TARBP1: variants seen among roughly 807,000 people sequenced by gnomAD.
TARBP1 encodes tRNA guanosine 2 -O-methyltransferase TARBP1, also known as tRNA (guanosine(18)-2'-O)-methyltransferase TARBP1.
A neutral mutation model predicts 178.6 loss-of-function variants in TARBP1; 144 were observed. That is an observed-to-expected ratio of 0.81 (90% confidence interval 0.70 to 0.93). The LOEUF is 0.93. Among genes scored for constraint, TARBP1 ranks in the 40% least tolerant of loss-of-function variants. The pLI is 0.00. For synonymous variants in TARBP1, 787 were observed against 781.0 expected (o/e 1.01, Z -0.13); for missense variants, 2,067 against 2,011.7 (o/e 1.03, Z -0.53).
rs3850717 is a variant in TARBP1, at chr1:234,391,598, C to T, written c.4845G>A (p.Ser1615=). ...CACATCATGGCTTGGTATCTCCGTG[C>T]GAGAGCAGCTGCTGCCTGGTGTACT... ...IWEYTRQQLL[S]HGDTKP Residue 1615 remains serine, a synonymous_variant, in exon 30 of 30, where the codon TCG becomes TCA. Transcript: ENST00000040877. The T allele has an allele frequency of 1.3e-4, 211 of 1,612,446 alleles. No homozygotes were observed. The African/African-American group carries it at 2.6e-3, about 20-fold the overall frequency.
At chr1:234,396,124 AAAGTCTATTAC>A (rs1348073245) in intron 26 of TARBP1, among the ~76,000 whole-genome samples, 1 of 152,248 alleles carries the variant, frequency 6.6e-6, no homozygotes, top group Non-Finnish European at 1.5e-5. Flanking sequence ...CTCAGCATGG[AAAGTCTATTAC>A]AACATGCCCC....
In TARBP1 at chr1:234,393,358, C is replaced by T. The variant is rs1346891481; in HGVS notation, c.4560+4G>A. ...ACTTTAATAATAAATTACTTTCCAC[C>T]CACCTCCACTAGAGGAAGCCACTGT... On this transcript the variant is annotated splice_donor_region_variant and intron_variant, in intron 28 of 29. Coordinates refer to ENST00000040877, the MANE Select transcript of TARBP1 (RefSeq NM_005646.4). The T allele has an allele frequency of 3.3e-6, 5 of 1,513,036 alleles. No homozygotes were observed. The highest frequency in any genetic ancestry group is 2.3e-5 in the East Asian group (1 of 43,980). The allele number at this position is 1,513,036 out of a possible 1,614,324, so 93.7% of individuals were successfully genotyped here.
intron 3 of TARBP1, among the ~76,000 whole-genome samples, chr1:234,469,922 A>G (rs1327709885): frequency 6.6e-6 from 1 of 152,242 alleles, no homozygotes; most frequent in Non-Finnish European, 1.5e-5. Flanking sequence ...TGGAAAAGAT[A>G]TACTAAGAGA....
chr1:234,449,218 T>C (rs753111554), intron 10 of TARBP1, among the ~76,000 whole-genome samples: 1 of 152,174 alleles, frequency 6.6e-6, no homozygotes, highest in African/African-American at 2.4e-5. Flanking sequence ...TTGCAGGCCA[T>C]GCAGAGGACC....
Position 234,418,107 on chromosome 1 carries a change from T to C in TARBP1, c.3682A>G (p.Lys1228Glu), listed in dbSNP as rs1324497770. Residue 1228 changes from lysine to glutamate, a missense_variant, in exon 22 of 30, where the codon AAG (lysine) becomes GAG (glutamate). By Grantham distance (56) the Lys-to-Glu change is moderately conservative. Transcript: ENST00000040877. ...ACATAAGAAAAACAATCCCAGAACT[T>C]TGGAAGAAATTGAGGGAATTTATGA... ...ILHKFPQFLPKFWDCFSYGEE... is the reference protein window; with the variant it reads ...ILHKFPQFLPEFWDCFSYGEE... 12 of 1,424,418 alleles carry C rather than the reference T, an allele frequency of 8.4e-6. No individual in the cohort carries two copies. Among genetic ancestry groups the C allele is most frequent in the African/African-American group, 1.5e-5 (1 of 66,452 alleles). The allele number at this position is 1,424,418 out of a possible 1,614,324, so 88.2% of individuals were successfully genotyped here. A position where few individuals can be genotyped will look rare whatever the true frequency, so the allele number is the denominator to read the frequency against.
At position 234,478,945 on chromosome 1, in the gene TARBP1, GC is replaced by G; in HGVS notation, c.158del (p.Gly53AlafsTer45). The G allele has an allele frequency of 6.9e-7, 1 of 1,450,758 alleles. No individual in the cohort carries two copies. Among genetic ancestry groups the G allele is most frequent in the East Asian group, 3.0e-5 (1 of 32,954 alleles). 89.9% of individuals were successfully genotyped at this position (1,450,758 alleles called of 1,614,324 possible). A position where few individuals can be genotyped will look rare whatever the true frequency, so the allele number is the denominator to read the frequency against. ...GCGCCGCCTCCGGGAGCGCGCCTGCGCCCCCGCTGCCGCGCGCCTCCTCGTC... is the reference window on the plus strand; with the variant it reads ...GCGCCGCCTCCGGGAGCGCGCCTGCGCCCCGCTGCCGCGCGCCTCCTCGTC... ...LEDEEARGSG[G>X]AGALPEAARE... On this transcript the variant is annotated frameshift_variant, in exon 1 of 30. Coordinates refer to ENST00000040877, the MANE Select transcript of TARBP1 (RefSeq NM_005646.4). LOFTEE classifies it high-confidence loss of function.
intron 22 of TARBP1, among the ~76,000 whole-genome samples, chr1:234,410,810 C>T (rs1333105223): frequency 2.0e-5 from 3 of 152,378 alleles, no homozygotes; most frequent in South Asian, 2.1e-4. Flanking sequence ...CAGTGGCTCA[C>T]GCCTATAATC....
intron 20 of TARBP1, among the ~76,000 whole-genome samples, chr1:234,422,144 T>C (rs1485853970): frequency 1.3e-5 from 2 of 152,186 alleles, no homozygotes; most frequent in Non-Finnish European, 2.9e-5. Flanking sequence ...AGCATCTTCA[T>C]GTCAAGAAAG....
At chr1:234,395,079 C>T (rs1393674843) in intron 26 of TARBP1, among the ~76,000 whole-genome samples, 1 of 152,140 alleles carries the variant, frequency 6.6e-6, no homozygotes, top group Admixed American at 6.5e-5. Flanking sequence ...CAAACATTAG[C>T]CAGGCATGGT....
chr1:234,467,003 A>G (rs551924723), intron 4 of TARBP1, among the ~76,000 whole-genome samples: 2 of 152,378 alleles, frequency 1.3e-5, no homozygotes, highest in African/African-American at 2.4e-5. Context: ...AATCACAGCT[A>G]TAACTCCCAC....
chr1:234,427,504 A>G, intron 18 of TARBP1, 72 bp downstream of exon 18: 1 of 1,476,090 alleles, frequency 6.8e-7, no homozygotes, highest in Non-Finnish European at 9.1e-7. Context: ...GCCTCAAAAC[A>G]AAGACATAAT....
chr1:234,435,526 T>A (rs982112763), intron 13 of TARBP1, among the ~76,000 whole-genome samples: 2 of 152,082 alleles, frequency 1.3e-5, no homozygotes, highest in African/African-American at 2.4e-5. Flanking sequence ...CCTGTTAAAA[T>A]GCTCATGAAA....
chr1:234,428,991 CTT>C (rs1188829131), intron 17 of TARBP1, 143 bp downstream of exon 17: 2 of 697,528 alleles, frequency 2.9e-6, no homozygotes, highest in Non-Finnish European at 2.2e-6. Context: ...CATTCTTACT[CTT>C]GATATTTAAG....
At chr1:234,465,759 C>T (rs1215057385) in intron 4 of TARBP1, 51 bp from the exon 5 acceptor site, 1 of 1,453,508 alleles carries the variant, frequency 6.9e-7, no homozygotes, top group Admixed American at 2.6e-5. Flanking sequence ...GTTGTAAATA[C>T]AATTTTGAAG....
chr1:234,419,397 T>C (rs928751644), intron 21 of TARBP1, among the ~76,000 whole-genome samples: 4 of 152,124 alleles, frequency 2.6e-5, no homozygotes, highest in South Asian at 4.2e-4. Flanking sequence ...ACTAGCTGTG[T>C]AACCTCTCGG....
At chr1:234,410,631 G>A (rs1485588805) in intron 22 of TARBP1, 100 bp from the exon 23 acceptor site, 1 of 717,168 alleles carries the variant, frequency 1.4e-6, no homozygotes, top group African/African-American at 1.8e-5. Flanking sequence ...CAGGACAGGA[G>A]GCAGCCTCTT....
chr1:234,405,887 G>A lies in TARBP1; in HGVS notation c.3989+16C>T, dbSNP rs1433683173. 1 of 1,609,834 alleles carries A rather than the reference G, an allele frequency of 6.2e-7. No homozygotes were observed. The highest frequency in any genetic ancestry group is 8.5e-7 in the Non-Finnish European group (1 of 1,177,460). ...GGAGGAGAGTGAGGGCGATGAGGTTGACGAGGGCTCCTTACCCTGCTCCGT... is the reference window on the plus strand; with the variant it reads ...GGAGGAGAGTGAGGGCGATGAGGTTAACGAGGGCTCCTTACCCTGCTCCGT... On this transcript the variant is annotated intron_variant, in intron 24 of 29. Coordinates refer to ENST00000040877, the MANE Select transcript of TARBP1 (RefSeq NM_005646.4).
chr1:234,396,016 G>A (rs961822458), intron 26 of TARBP1, among the ~76,000 whole-genome samples: 6 of 151,990 alleles, frequency 3.9e-5, no homozygotes, highest in African/African-American at 1.5e-4. Flanking sequence ...ACGCCACACT[G>A]TACCCCATAA....
At chr1:234,458,625 T>C (rs1013230851) in intron 8 of TARBP1, among the ~76,000 whole-genome samples, 3 of 152,190 alleles carry the variant, frequency 2.0e-5, no homozygotes, top group African/African-American at 7.2e-5. Flanking sequence ...CAGAAAGAGT[T>C]TGCTGACCCC....
Sources: allele counts gnomAD v4.1 joint callset (sites outside exome capture counted in the v4.1 genomes callset), GRCh38; gene constraint gnomAD v4.1.1; transcripts MANE v1.5; gene names NCBI Gene and HGNC (gene_info 2026-07-23, HGNC 2026-07-21).